DYNC2I2: variants seen among roughly 807,000 people sequenced by gnomAD.
DYNC2I2 encodes cytoplasmic dynein 2 intermediate chain 2.
DYNC2I2 carries 39 observed loss-of-function variants against 52.0 expected under a neutral mutation model. The ratio of observed to expected loss-of-function variants is 0.75; its 90% CI spans 0.58 to 0.98. The LOEUF (loss-of-function observed/expected upper bound fraction) is 0.98, where lower values mean the gene tolerates loss of function less well. Ranked by LOEUF, DYNC2I2 falls within the 50% of genes least tolerant of loss-of-function variation. The pLI, the probability that DYNC2I2 is intolerant of heterozygous loss-of-function variation, is 0.00. For missense variants in DYNC2I2, 743 were observed against 728.4 expected (o/e 1.02, Z -0.23); for synonymous variants, 359 against 321.1 (o/e 1.12, Z -1.26).
chr9:128,666,070 G>A, the DYNC2I2 span, among the ~76,000 whole-genome samples: 82 of 151,686 alleles, frequency 5.4e-4, no homozygotes, highest in African/African-American at 1.7e-3. Flanking sequence ...GCAAGACTCC[G>A]TCTCAAAAAA....
Position 128,656,669 on chromosome 9 carries a change from C to T in DYNC2I2, c.58G>A (p.Ala20Thr), listed in dbSNP as rs1241435050. 6.6e-7 allele frequency: 1 copy of T among 1,511,050 alleles called. No homozygotes were observed. Among genetic ancestry groups the T allele is most frequent in the Non-Finnish European group, 8.8e-7 (1 of 1,138,934 alleles). 93.6% of individuals were successfully genotyped at this position (1,511,050 alleles called of 1,614,324 possible). ...LSQAGSAGVA[A>T]LATVGVASGP... Reference sequence around the variant, plus strand: ...CTCGCAACCCCGACTGTCGCCAGCGCCGCAACACCAGCGCTTCCCGCCTGG... The same window carrying T: ...CTCGCAACCCCGACTGTCGCCAGCGTCGCAACACCAGCGCTTCCCGCCTGG... Residue 20 changes from alanine to threonine, a missense_variant, in exon 1 of 9, where the codon GCG becomes ACG. Coordinates refer to ENST00000372715, the MANE Select transcript of DYNC2I2 (RefSeq NM_052844.4).
chr9:128,682,981 C>T, the DYNC2I2 span, among the ~76,000 whole-genome samples: 1 of 148,340 alleles, frequency 6.7e-6, no homozygotes, highest in Non-Finnish European at 1.5e-5. Flanking sequence ...CGGCTGGGAC[C>T]TTGTCTTAAA....
At chr9:128,641,883 C>T (rs996171138) in intron 1 of DYNC2I2, among the ~76,000 whole-genome samples, 2 of 152,104 alleles carry the variant, frequency 1.3e-5, no homozygotes, top group Middle Eastern at 3.4e-3. Flanking sequence ...CCTACTGAAC[C>T]GCCAGCCCCC....
intron 1 of DYNC2I2, among the ~76,000 whole-genome samples, chr9:128,641,772 G>A (rs925733410): frequency 6.6e-6 from 1 of 152,032 alleles, no homozygotes; most frequent in African/African-American, 2.4e-5. Flanking sequence ...GAGGAAGAGG[G>A]CAGGACTCAC....
chr9:128,676,047 G>A, the DYNC2I2 span, among the ~76,000 whole-genome samples: 29 of 152,230 alleles, frequency 1.9e-4, no homozygotes, highest in Non-Finnish European at 3.1e-4. Flanking sequence ...CACACCTGTC[G>A]TCCTAGCTAC....
chr9:128,665,093 C>G, the DYNC2I2 span, among the ~76,000 whole-genome samples: 1 of 148,670 alleles, frequency 6.7e-6, no homozygotes, highest in Non-Finnish European at 1.5e-5. Flanking sequence ...CGCTCTGTCA[C>G]CCAGTCTGGA....
chr9:128,642,485 T>C (rs949464444), intron 1 of DYNC2I2, among the ~76,000 whole-genome samples: 1 of 145,752 alleles, frequency 6.9e-6, no homozygotes, highest in African/African-American at 2.5e-5. Flanking sequence ...AAATTACTTA[T>C]TGAGGCCGGG....
rs771951353 is a variant in DYNC2I2 at position 128,635,311 on chromosome 9, G to A, written c.814-52C>T. 1.0e-4 allele frequency: 158 copies of A among 1,582,324 alleles called. 1 individual carries two copies. Among genetic ancestry groups the A allele is most frequent in the Non-Finnish European group, 1.2e-4 (139 of 1,162,044 alleles). Reference sequence around the variant, plus strand: ...ATGGAGACAAGGGACACCTGCCCAGGTGTCACGCTCCACCCCTACCCTCCC... The same window carrying A: ...ATGGAGACAAGGGACACCTGCCCAGATGTCACGCTCCACCCCTACCCTCCC... On this transcript the variant is annotated intron_variant, in intron 5 of 8. Coordinates refer to ENST00000372715, the MANE Select transcript of DYNC2I2 (RefSeq NM_052844.4).
In DYNC2I2 at chr9:128,655,485, C is replaced by T. The variant is rs367627333; in HGVS notation, c.186+1056G>A. The stretch of plus-strand genomic sequence containing the variant: ...GAGATCGCGCCATTGCACTCCAGCC[C>T]GGGCGACAGAGCGAGACTCCGTCTC... On this transcript the variant is annotated intron_variant, in intron 1 of 8. Coordinates refer to ENST00000372715, the MANE Select transcript of DYNC2I2 (RefSeq NM_052844.4). 7.7e-3 allele frequency among the ~76,000 whole-genome samples: 1,022 copies of T among 133,324 alleles called. 8 individuals are homozygous for T. Among genetic ancestry groups the T allele is most frequent in the African/African-American group, 0.027 (954 of 35,732 alleles). The allele number at this position is 133,324 out of a possible 152,430, so 87.5% of individuals were successfully genotyped here.
intron 1 of DYNC2I2, chr9:128,651,274 G>A (rs1401301373): frequency 1.7e-5 from 1 of 57,856 alleles, no homozygotes; most frequent in East Asian, 2.8e-4. Context: ...GCTCATACCT[G>A]TAATCCTAGC....
At chr9:128,641,516 T>C (rs1162788253) in intron 1 of DYNC2I2, among the ~76,000 whole-genome samples, 1 of 152,114 alleles carries the variant, frequency 6.6e-6, no homozygotes, top group Non-Finnish European at 1.5e-5. Flanking sequence ...GTCCCCTGCT[T>C]AGCTGTACCT....
the DYNC2I2 span, among the ~76,000 whole-genome samples, chr9:128,675,890 G>T: frequency 6.6e-6 from 1 of 152,148 alleles, no homozygotes; most frequent in African/African-American, 2.4e-5. Flanking sequence ...TTAGAAGCTG[G>T]AGAGGAAAGG....
At chr9:128,654,693 A>G (rs530725151) in intron 1 of DYNC2I2, among the ~76,000 whole-genome samples, 1 of 152,230 alleles carries the variant, frequency 6.6e-6, no homozygotes, top group African/African-American at 2.4e-5. Context: ...AAGTAGCTGG[A>G]AATACAGGCA....
At chr9:128,636,078 C>A in intron 4 of DYNC2I2, 1 of 883,232 alleles carries the variant, frequency 1.1e-6, no homozygotes, top group Non-Finnish European at 1.8e-6. Context: ...CTGGCCCCGA[C>A]CCTGGCCCCC....
intron 2 of DYNC2I2, among the ~76,000 whole-genome samples, 194 bp downstream of exon 2, chr9:128,640,497 G>C (rs1051937342): frequency 2.0e-5 from 3 of 152,172 alleles, no homozygotes; most frequent in Admixed American, 1.3e-4. Flanking sequence ...GAACAATACC[G>C]ACCTCAAGGT....
the DYNC2I2 span, among the ~76,000 whole-genome samples, chr9:128,674,798 C>G: frequency 1.3e-5 from 2 of 152,242 alleles, no homozygotes; most frequent in South Asian, 4.1e-4. Flanking sequence ...CGGCTGGTCT[C>G]AAACTCCTGG....
At chr9:128,643,955 GCTGCTGAGGGACTACACACACCAAGGA>G (rs1860565250) in intron 1 of DYNC2I2, among the ~76,000 whole-genome samples, 1 of 152,176 alleles carries the variant, frequency 6.6e-6, no homozygotes, top group African/African-American at 2.4e-5. Flanking sequence ...GCTGGAGGAG[GCTGCTGAGGGACTACACACACCAAGGA>G]ATGAATGAAT....
In DYNC2I2 at chr9:128,650,591, G is replaced by T. The variant is rs1179023752; in HGVS notation, c.186+5950C>A. On this transcript the variant is annotated intron_variant, in intron 1 of 8. Transcript: ENST00000372715. Reference sequence around the variant, plus strand: ...ATTTTGTATTTTTAGTAGAGACAGGGTTTCTCCATGTCGGTCAGGCTGGTC... The same window carrying T: ...ATTTTGTATTTTTAGTAGAGACAGGTTTTCTCCATGTCGGTCAGGCTGGTC... 7.8e-5 allele frequency among the ~76,000 whole-genome samples: 4 copies of T among 51,228 alleles called. 1 individual carries two copies. The highest frequency in any genetic ancestry group is 1.6e-4 in the African/African-American group (4 of 24,414). The allele number at this position is 51,228 out of a possible 152,430, so 33.6% of individuals were successfully genotyped here. A position where few individuals can be genotyped will look rare whatever the true frequency, so the allele number is the denominator to read the frequency against.
At chr9:128,680,741 C>T in the DYNC2I2 span, among the ~76,000 whole-genome samples, 1 of 151,886 alleles carries the variant, frequency 6.6e-6, no homozygotes, top group Non-Finnish European at 1.5e-5. Context: ...GTGGCGTGAT[C>T]TCGGTTCACT....
Sources: gnomAD v4.1 joint callset for allele counts (sites outside exome capture counted in the v4.1 genomes callset) on GRCh38, gnomAD v4.1.1 for gene constraint, MANE v1.5 for transcripts, NCBI Gene and HGNC (gene_info 2026-07-23, HGNC 2026-07-21) for gene names.